The following CTNNA1 variants were observed in gnomAD, a reference collection of about 807,000 sequenced individuals.
CTNNA1 encodes the protein catenin alpha-1.
A neutral mutation model predicts 98.4 loss-of-function variants in CTNNA1; 37 were observed. The observed-to-expected ratio is 0.38, with a 90% CI of 0.29 to 0.49. The LOEUF is 0.49. CTNNA1 is among the 20% of genes least tolerant of loss of function. The pLI, the probability that CTNNA1 is intolerant of heterozygous loss-of-function variation, is 0.95. For missense variants in CTNNA1, 761 were observed against 1,147.2 expected, an observed-to-expected ratio of 0.66 and a Z score of 4.86; for synonymous variants, 404 against 413.2, an observed-to-expected ratio of 0.98 and a Z score of 0.27.
intron 9 of CTNNA1, among the ~76,000 whole-genome samples, chr5:138,902,473 G>A (rs1460293997): frequency 6.6e-6 from 1 of 152,234 alleles, no homozygotes; most frequent in Non-Finnish European, 1.5e-5. Context: ...AGGCTGGAGT[G>A]CAGTGGCGTG....
chr5:138,823,304 G>A (rs1443126146), intron 5 of CTNNA1, among the ~76,000 whole-genome samples: 1 of 152,078 alleles, frequency 6.6e-6, no homozygotes, highest in African/African-American at 2.4e-5. Context: ...CCAAGTAGAT[G>A]CCATCATTAG....
intron 7 of CTNNA1, among the ~76,000 whole-genome samples, chr5:138,836,455 A>G (rs1761780402): frequency 6.6e-6 from 1 of 152,248 alleles, no homozygotes; most frequent in African/African-American, 2.4e-5. Context: ...TGAGAAAGAC[A>G]TCTTACCCCA....
At chr5:138,796,861 G>A (rs984104254) in intron 3 of CTNNA1, among the ~76,000 whole-genome samples, 11 of 152,238 alleles carry the variant, frequency 7.2e-5, no homozygotes, top group African/African-American at 2.4e-4. Context: ...TTTGGATTTG[G>A]CAGTTGATAA....
At position 138,919,315 on chromosome 5, in the gene CTNNA1, C is replaced by T. The variant is rs1411560592; in HGVS notation, c.1546+1417C>T. 2.0e-5 allele frequency among the ~76,000 whole-genome samples: 3 copies of T among 152,152 alleles called. No homozygotes were observed. The East Asian group carries it at 5.8e-4, about 29-fold the overall frequency. ...ATTCTGAAATCTAAATGCAAAGCCC[C>T]CCTCCGGATAAATACTACATTCTTA... On this transcript the variant is annotated intron_variant, in intron 11 of 17. Coordinates refer to ENST00000302763, the MANE Select transcript of CTNNA1 (RefSeq NM_001903.5).
At chr5:138,830,793 CAA>C (rs1177563126) in intron 7 of CTNNA1, among the ~76,000 whole-genome samples, 8 of 152,082 alleles carry the variant, frequency 5.3e-5, no homozygotes, top group Admixed American at 5.2e-4. Context: ...CTGGAACAGA[CAA>C]AGTTTCTATA....
chr5:138,800,638 A>T (rs1002250862), intron 3 of CTNNA1, among the ~76,000 whole-genome samples: 43 of 152,136 alleles, frequency 2.8e-4, no homozygotes, highest in African/African-American at 1.0e-3. Context: ...CTATTGAAAA[A>T]AAAAGAATAG....
rs1215333067 is a variant in CTNNA1, at chr5:138,827,651, G to T, written c.995G>T (p.Arg332Leu). ...SSCTRDDRRE[R>L]IVAECNAVRQ... ...TGCACGCGTGATGACCGTCGTGAGC[G>T]AATTGTGGCAGAGTGTAATGCTGTC... is the stretch of plus-strand genomic sequence containing the variant. Residue 332 changes from arginine (R) to leucine (L), a missense_variant, in exon 7 of 18, where the codon CGA becomes CTA. Physicochemically the swap from Arg to Leu is moderately radical, Grantham distance 102. Around this residue, in one of 6 missense-constraint regions of CTNNA1, gnomAD observed 287 missense variants for 436.0 expected, o/e 0.66. Coordinates refer to ENST00000302763, the MANE Select transcript of CTNNA1 (RefSeq NM_001903.5). The T allele has an allele frequency of 6.2e-7, 1 of 1,614,214 alleles. No individual in the cohort carries two copies. Among genetic ancestry groups the T allele is most frequent in the Non-Finnish European group, 8.5e-7 (1 of 1,180,042 alleles).
At chr5:138,843,935 C>T (rs1762482894) in intron 7 of CTNNA1, among the ~76,000 whole-genome samples, 1 of 152,142 alleles carries the variant, frequency 6.6e-6, no homozygotes, top group East Asian at 1.9e-4. Context: ...ATTTTCTTGG[C>T]TAAATTAAAA....
At chr5:138,777,079 G>A (rs1264416822) in intron 1 of CTNNA1, among the ~76,000 whole-genome samples, 1 of 152,164 alleles carries the variant, frequency 6.6e-6, no homozygotes, top group African/African-American at 2.4e-5. Flanking sequence ...CTGCCGGGCG[G>A]AGGGGCTCCT....
chr5:138,864,347 A>T (rs766416085), intron 7 of CTNNA1, among the ~76,000 whole-genome samples: 2 of 152,204 alleles, frequency 1.3e-5, no homozygotes, highest in African/African-American at 4.8e-5. Context: ...GAAAGTTACA[A>T]ATCTTATTAT....
chr5:138,886,598 CTTG>C (rs765700911), intron 8 of CTNNA1, among the ~76,000 whole-genome samples: 8 of 152,222 alleles, frequency 5.3e-5, no homozygotes, highest in South Asian at 4.1e-4. Flanking sequence ...CCTGAAGGAT[CTTG>C]TTGTATTGAC....
chr5:138,791,334 G>T (rs1483876198), intron 3 of CTNNA1, among the ~76,000 whole-genome samples: 1 of 152,022 alleles, frequency 6.6e-6, no homozygotes, highest in East Asian at 1.9e-4. Flanking sequence ...TGTAAAAAAT[G>T]TCGGCCGGGT....
In CTNNA1 at chr5:138,920,850, G is replaced by C. The variant is rs189078465; in HGVS notation, c.1546+2952G>C. 2.8e-4 allele frequency among the ~76,000 whole-genome samples: 42 copies of C among 152,188 alleles called. 1 individual carries two copies. The highest frequency in any genetic ancestry group is 2.5e-3 in the Admixed American group (38 of 15,284). ...GGCTCCAGAAATTCCCTCATACTTA[G>C]AACAAGTCATGTCCTGATTTGTGGC... On this transcript the variant is annotated intron_variant, in intron 11 of 17. Coordinates refer to ENST00000302763, the MANE Select transcript of CTNNA1 (RefSeq NM_001903.5).
intron 7 of CTNNA1, chr5:138,868,825 A>G (rs570512405): frequency 2.0e-5 from 3 of 152,192 alleles, no homozygotes; most frequent in African/African-American, 4.8e-5. Context: ...GAATAAAACA[A>G]CTGTTCATTT....
intron 5 of CTNNA1, among the ~76,000 whole-genome samples, chr5:138,819,644 C>T (rs1026241877): frequency 1.3e-5 from 2 of 152,156 alleles, no homozygotes; most frequent in South Asian, 2.1e-4. Flanking sequence ...CACTTGGATG[C>T]GTGACTGCTC....
At chr5:138,770,490 C>CCT (rs1248489022) in intron 1 of CTNNA1, among the ~76,000 whole-genome samples, 1 of 152,216 alleles carries the variant, frequency 6.6e-6, no homozygotes, top group African/African-American at 2.4e-5. Context: ...CTTCACTTGA[C>CCT]CTCCTACTGC....
chr5:138,765,547 C>T (rs1221176169), intron 1 of CTNNA1, among the ~76,000 whole-genome samples: 2 of 152,200 alleles, frequency 1.3e-5, no homozygotes, highest in African/African-American at 4.8e-5. Context: ...TTAAGTCTGC[C>T]TTGCAAAGCA....
chr5:138,819,792 G>T (rs989893547), intron 5 of CTNNA1, among the ~76,000 whole-genome samples: 1 of 146,678 alleles, frequency 6.8e-6, no homozygotes, highest in Non-Finnish European at 1.5e-5. Context: ...CCCAAATCTC[G>T]TGTCTAATTG....
intron 3 of CTNNA1, among the ~76,000 whole-genome samples, chr5:138,784,155 C>T (rs916078433): frequency 1.4e-4 from 21 of 152,212 alleles, no homozygotes; most frequent in Admixed American, 6.5e-4. Context: ...CCGCCTGCCT[C>T]GGCCTGCCAG....
Sources: allele counts gnomAD v4.1 joint callset (sites outside exome capture counted in the v4.1 genomes callset), GRCh38; gene constraint gnomAD v4.1.1; regional missense constraint gnomAD v4.1.1; transcripts MANE v1.5; gene names NCBI Gene and HGNC (gene_info 2026-07-23, HGNC 2026-07-21).